Variants in PDCD10 observed in about 807,000 individuals in gnomAD.
The protein encoded by PDCD10 is programmed cell death 10.
PDCD10 carries 4 observed loss-of-function variants against 29.2 expected under a neutral mutation model. That is an observed-to-expected ratio of 0.14 (90% CI 0.07 to 0.31). The LOEUF (loss-of-function observed/expected upper bound fraction) is 0.31. Among genes scored for constraint, PDCD10 ranks in the 10% least tolerant of loss-of-function variants. PDCD10 has a pLI of 1.00. For missense variants in PDCD10, 183 were observed against 257.9 expected (o/e 0.71, Z 1.99); for synonymous variants, 70 against 82.2 (o/e 0.85, Z 0.80).
intron 3 of PDCD10, 135 bp from the exon 4 acceptor site, chr3:167,705,030 C>T (rs1162385375): frequency 4.1e-5 from 22 of 537,496 alleles, no homozygotes; most frequent in Non-Finnish European, 6.0e-5. Context: ...TGTACATCAC[C>T]GTAATTCTTC....
intron 3 of PDCD10, among the ~76,000 whole-genome samples, chr3:167,716,102 C>A (rs1364142063): frequency 2.0e-5 from 3 of 152,106 alleles, no homozygotes; most frequent in African/African-American, 7.2e-5. Context: ...AGAATGAGAT[C>A]CTGTCATCTG....
chr3:167,711,747 T>G (rs1291190028), intron 3 of PDCD10, among the ~76,000 whole-genome samples: 1 of 151,824 alleles, frequency 6.6e-6, no homozygotes, highest in Admixed American at 6.6e-5. Context: ...AGGTCAAGCA[T>G]AAAGGATCCT....
intron 3 of PDCD10, among the ~76,000 whole-genome samples, chr3:167,716,367 T>C (rs545710086): frequency 2.0e-5 from 3 of 152,084 alleles, no homozygotes; most frequent in South Asian, 2.1e-4. Flanking sequence ...AGGGTTACAA[T>C]AGTCAACACT....
chr3:167,733,179 A>T (rs1291562906), intron 2 of PDCD10, among the ~76,000 whole-genome samples: 1 of 151,972 alleles, frequency 6.6e-6, no homozygotes, highest in Non-Finnish European at 1.5e-5. Context: ...CTGATGATCA[A>T]CTTATATATA....
chr3:167,687,424 T>C, intron 7 of PDCD10, 108 bp from the exon 8 acceptor site: 2 of 755,778 alleles, frequency 2.6e-6, no homozygotes, highest in Non-Finnish European at 4.7e-6. Flanking sequence ...GCACTTTATA[T>C]GAATATTACT....
intron 2 of PDCD10, 66 bp downstream of exon 2, chr3:167,734,148 C>G (rs1400445745): frequency 2.6e-5 from 4 of 152,246 alleles, no homozygotes; most frequent in African/African-American, 4.8e-5. Context: ...CATATAATCC[C>G]TCGGTTTCCT....
In PDCD10 at chr3:167,718,580, T is replaced by C. The variant is rs999989718; in HGVS notation, c.96+1482A>G. Among the ~76,000 whole-genome samples the C allele has an allele frequency of 5.3e-5, 8 of 152,002 alleles. 1 individual carries two copies. The South Asian group carries it at 1.0e-3, about 20-fold the overall frequency. On this transcript the variant is annotated intron_variant, in intron 3 of 8. Coordinates refer to ENST00000392750, the MANE Select transcript of PDCD10 (RefSeq NM_007217.4). ...CCCCTTTGTGGCTAGGTTTCGTCAT[T>C]AGAATTAAGTTCTTGACAAAAAAAT...
At chr3:167,698,757 C>T (rs1721073452) in intron 4 of PDCD10, among the ~76,000 whole-genome samples, 1 of 152,030 alleles carries the variant, frequency 6.6e-6, no homozygotes, top group Non-Finnish European at 1.5e-5. Flanking sequence ...TCTCTATGTG[C>T]TTGCAGGGGA....
At chr3:167,691,559 G>A (rs3804606) in intron 6 of PDCD10, among the ~76,000 whole-genome samples, 41,884 of 152,058 alleles carry the variant, frequency 0.28, 6,417 homozygotes, top group African/African-American at 0.41. Flanking sequence ...AGTCACAGAC[G>A]GTTTAGCAGA....
chr3:167,709,639 A>C (rs1722333200), intron 3 of PDCD10, among the ~76,000 whole-genome samples: 1 of 152,134 alleles, frequency 6.6e-6, no homozygotes, highest in Non-Finnish European at 1.5e-5. Context: ...GTCTCAGATA[A>C]ACTTGAAAGG....
intron 6 of PDCD10, chr3:167,694,249 TA>T (rs1720562714): frequency 1.1e-5 from 2 of 174,846 alleles, no homozygotes; most frequent in Admixed American, 6.4e-5. Context: ...TTAGAGCTAC[TA>T]AAAAACATGC....
At chr3:167,717,306 A>G (rs868435157) in intron 3 of PDCD10, among the ~76,000 whole-genome samples, 2 of 152,052 alleles carry the variant, frequency 1.3e-5, no homozygotes, top group Non-Finnish European at 2.9e-5. Context: ...CTAGACTACC[A>G]TTGTAGCTAT....
chr3:167,698,411 C>T (rs1185927048), intron 4 of PDCD10, among the ~76,000 whole-genome samples: 1 of 152,032 alleles, frequency 6.6e-6, no homozygotes, highest in African/African-American at 2.4e-5. Flanking sequence ...TGGGGTGTGG[C>T]TGTGGTCCCA....
rs542413350 is a variant in PDCD10, at chr3:167,707,680, A to AAAAAC, written c.97-2790_97-2786dup. Among the ~76,000 whole-genome samples the AAAAAC allele has an allele frequency of 3.9e-3, 600 of 152,218 alleles. 2 individuals are homozygous for AAAAAC. Among genetic ancestry groups the AAAAAC allele is most frequent in the African/African-American group, 0.01 (432 of 41,510 alleles). On this transcript the variant is annotated intron_variant, in intron 3 of 8. Transcript: ENST00000392750. ...GCGACAGAGCGAGACTCTCCATCTC[A>AAAAAC]AAAACAAAACAAAACAAAACAAAAC...
At chr3:167,706,968 CCT>C (rs941533056) in intron 3 of PDCD10, among the ~76,000 whole-genome samples, 1 of 152,098 alleles carries the variant, frequency 6.6e-6, no homozygotes, top group Non-Finnish European at 1.5e-5. Context: ...CTAATGCTAC[CCT>C]GACTCCCTGT....
At chr3:167,719,542 CA>C (rs1198228517) in intron 3 of PDCD10, among the ~76,000 whole-genome samples, 3 of 152,194 alleles carry the variant, frequency 2.0e-5, no homozygotes, top group African/African-American at 7.2e-5. Context: ...TCTCCAGATA[CA>C]AAGCAATGAT....
intron 4 of PDCD10, chr3:167,697,998 TA>T (rs1464509746): frequency 4.4e-6 from 2 of 456,472 alleles, no homozygotes; most frequent in Admixed American, 4.7e-5. Context: ...AACAGCAAAA[TA>T]GAAACACAAT....
At position 167,687,217 on chromosome 3, in the gene PDCD10, T is replaced by A. The variant is rs1285762092; in HGVS notation, c.557+17A>T. 3 of 1,204,116 alleles carry A rather than the reference T, an allele frequency of 2.5e-6. No individual in the cohort carries two copies. In the African/African-American group the frequency reaches 4.5e-5, roughly 18 times the overall value. 74.6% of individuals were successfully genotyped at this position (1,204,116 alleles called of 1,614,324 possible). On this transcript the variant is annotated intron_variant, in intron 8 of 8. Transcript: ENST00000392750. The stretch of plus-strand genomic sequence containing the variant: ...TCTATTTAATTTTAAAAGTAAAGGA[T>A]AAATTACAGTACTTACTTGCCATCT...
intron 4 of PDCD10, among the ~76,000 whole-genome samples, chr3:167,703,082 C>T (rs1239770885): frequency 6.6e-6 from 1 of 152,066 alleles, no homozygotes; most frequent in African/African-American, 2.4e-5. Context: ...TCTACTCCTT[C>T]GGACAGGGTC....
Sources: allele counts gnomAD v4.1 joint callset (sites outside exome capture counted in the v4.1 genomes callset), GRCh38; gene constraint gnomAD v4.1.1; transcripts MANE v1.5; gene names NCBI Gene and HGNC (gene_info 2026-07-23, HGNC 2026-07-21).